The following PVT1 variants were observed in gnomAD, a reference collection of about 807,000 sequenced individuals.
PVT1 encodes the protein Pvt1 oncogene.
At chr8:127,867,946 G>A (rs900900503) in intron 2 of PVT1, among the ~76,000 whole-genome samples, 2 of 152,212 alleles carry the variant, frequency 1.3e-5, no homozygotes, top group African/African-American at 2.4e-5. Context: ...AACATAACAA[G>A]AGGCAACAGC....
chr8:127,837,392 G>GT (rs1182341822), intron 2 of PVT1, among the ~76,000 whole-genome samples: 4 of 92,556 alleles, frequency 4.3e-5, no homozygotes, highest in Non-Finnish European at 8.9e-5. Context: ...GTTTTTTGTT[G>GT]TTGTTTTTTT....
At chr8:127,949,379 C>CTGTGTGTGTGTGTG (rs61425056) in intron 3 of PVT1, among the ~76,000 whole-genome samples, 8,450 of 111,168 alleles carry the variant, frequency 0.076, 659 homozygotes, top group Middle Eastern at 0.11. Context: ...ACTCCAGGAG[C>CTGTGTGTGTGTGTG]TGTGTGTGTG....
At chr8:128,012,219 C>G (rs1314160207) in intron 4 of PVT1, among the ~76,000 whole-genome samples, 2 of 152,110 alleles carry the variant, frequency 1.3e-5, no homozygotes, top group African/African-American at 4.8e-5. Context: ...AAGAGGAATA[C>G]ATGGGCAGAG....
At chr8:127,835,781 G>A (rs1814902781) in intron 2 of PVT1, among the ~76,000 whole-genome samples, 1 of 152,130 alleles carries the variant, frequency 6.6e-6, no homozygotes, top group South Asian at 2.1e-4. Flanking sequence ...AGAAGAGGTT[G>A]GAATCACACA....
At chr8:127,941,372 C>T (rs1816347378) in intron 3 of PVT1, among the ~76,000 whole-genome samples, 1 of 152,128 alleles carries the variant, frequency 6.6e-6, no homozygotes, top group East Asian at 1.9e-4. Context: ...TCACAGGTTC[C>T]AGGAAATTCC....
At chr8:127,902,024 C>T (rs1815765277) in intron 3 of PVT1, among the ~76,000 whole-genome samples, 1 of 151,884 alleles carries the variant, frequency 6.6e-6, no homozygotes, top group Non-Finnish European at 1.5e-5. Flanking sequence ...ATGATAATAA[C>T]ACTAATACAA....
chr8:127,813,240 AATATACAAATATATATAAT>A (rs1282553030), intron 2 of PVT1, among the ~76,000 whole-genome samples: 9 of 59,620 alleles, frequency 1.5e-4, no homozygotes, highest in South Asian at 1.4e-3. Context: ...ACAAATATAT[AATATACAAATATATATAAT>A]ATATACAAAT....
intron 6 of PVT1, among the ~76,000 whole-genome samples, chr8:128,098,435 C>T (rs1050132622): frequency 6.6e-6 from 1 of 152,084 alleles, no homozygotes; most frequent in Non-Finnish European, 1.5e-5. Context: ...TTCAAGTCAC[C>T]CTTGTCCCCT....
chr8:128,077,529 C>T (rs765201773), intron 5 of PVT1, among the ~76,000 whole-genome samples: 1 of 152,186 alleles, frequency 6.6e-6, no homozygotes, highest in Non-Finnish European at 1.5e-5. Flanking sequence ...GAATCTATAA[C>T]TGAGCTTCCA....
intron 4 of PVT1, among the ~76,000 whole-genome samples, chr8:128,018,856 T>G (rs192696818): frequency 2.0e-5 from 3 of 152,166 alleles, no homozygotes; most frequent in Non-Finnish European, 4.4e-5. Context: ...AATCCGACAG[T>G]GGTAGGGAAA....
chr8:127,826,014 C>T (rs1291862866), intron 2 of PVT1, among the ~76,000 whole-genome samples: 7 of 89,672 alleles, frequency 7.8e-5, no homozygotes, highest in South Asian at 9.2e-4. Flanking sequence ...CCATGCCCAG[C>T]TTTTTTTTTT....
intron 2 of PVT1, among the ~76,000 whole-genome samples, chr8:127,836,865 G>C (rs1490194968): frequency 6.6e-6 from 1 of 152,048 alleles, no homozygotes; most frequent in Non-Finnish European, 1.5e-5. Flanking sequence ...CACCGAGAGG[G>C]GCTGCTGGGC....
intron 2 of PVT1, among the ~76,000 whole-genome samples, chr8:127,825,002 C>T (rs1814770918): frequency 6.6e-6 from 1 of 151,698 alleles, no homozygotes; most frequent in Non-Finnish European, 1.5e-5. Flanking sequence ...TGCCTCTAAT[C>T]CCAGCTACTC....
intron 4 of PVT1, among the ~76,000 whole-genome samples, chr8:128,043,319 T>A (rs943228892): frequency 1.2e-4 from 19 of 152,212 alleles, no homozygotes; most frequent in African/African-American, 4.1e-4. Flanking sequence ...GGACTTCACG[T>A]TGCAACTCAG....
intron 3 of PVT1, chr8:127,948,364 T>A (rs937290446): frequency 6.9e-5 from 12 of 174,598 alleles, no homozygotes; most frequent in Middle Eastern, 2.7e-3. Context: ...AATTCATAGA[T>A]CCATCTCCTA....
intron 4 of PVT1, among the ~76,000 whole-genome samples, chr8:128,065,839 G>A (rs1320131945): frequency 6.6e-6 from 1 of 152,222 alleles, no homozygotes; most frequent in African/African-American, 2.4e-5. Context: ...AGCTGACGGA[G>A]TCCCTGCCCT....
intron 3 of PVT1, among the ~76,000 whole-genome samples, chr8:127,960,939 G>T (rs367801408): frequency 3.3e-5 from 4 of 121,034 alleles, no homozygotes; most frequent in East Asian, 2.2e-4. Flanking sequence ...TGTGTGTTTG[G>T]GGGTGGGGGG....
chr8:127,952,921 C>T (rs573243442), intron 3 of PVT1, among the ~76,000 whole-genome samples: 3 of 152,322 alleles, frequency 2.0e-5, no homozygotes, highest in East Asian at 1.9e-4. Flanking sequence ...CCCGCCACCA[C>T]GCCTGGCTAA....
At chr8:127,883,187 G>A (rs930351102) in intron 2 of PVT1, among the ~76,000 whole-genome samples, 18 of 150,312 alleles carry the variant, frequency 1.2e-4, no homozygotes, top group African/African-American at 2.7e-4. Flanking sequence ...CCCTGCAAAC[G>A]GTGCTCCCCT....
Sources: gnomAD v4.1 joint callset for allele counts (sites outside exome capture counted in the v4.1 genomes callset) on GRCh38, gnomAD v4.1.1 for gene constraint, MANE v1.5 for transcripts, NCBI Gene and HGNC (gene_info 2026-07-23, HGNC 2026-07-21) for gene names.